MCMBP: variants seen among roughly 807,000 people sequenced by gnomAD.
The protein encoded by MCMBP is minichromosome maintenance complex binding protein.
Under a neutral mutation model 81.3 loss-of-function variants are expected in MCMBP, and 31 were observed. That is an observed-to-expected ratio of 0.38 (90% CI 0.29 to 0.51). The LOEUF (loss-of-function observed/expected upper bound fraction) is 0.51, where lower values mean the gene tolerates loss of function less well. Ranked by LOEUF, MCMBP falls within the 20% of genes least tolerant of loss-of-function variation. The pLI is 0.87. For synonymous variants in MCMBP, 267 were observed against 275.9 expected, an observed-to-expected ratio of 0.97 and a Z score of 0.32; for missense variants, 645 against 772.1, an observed-to-expected ratio of 0.84 and a Z score of 1.95.
chr10:119,837,541 G>A (rs1012345607), intron 12 of MCMBP, among the ~76,000 whole-genome samples: 4 of 152,026 alleles, frequency 2.6e-5, no homozygotes, highest in Non-Finnish European at 4.4e-5. Context: ...AATATATTCC[G>A]CAACTGAGGT....
chr10:119,852,908 A>G, intron 6 of MCMBP, 142 bp downstream of exon 6: 3 of 963,528 alleles, frequency 3.1e-6, no homozygotes, highest in Non-Finnish European at 4.7e-6. Flanking sequence ...TCATCAGAGT[A>G]CTGTAAAAAC....
At chr10:119,836,212 AT>A (rs1448129813) in intron 13 of MCMBP, among the ~76,000 whole-genome samples, 2 of 152,224 alleles carry the variant, frequency 1.3e-5, no homozygotes, top group African/African-American at 4.8e-5. Context: ...TTGGTTACTT[AT>A]GTTTCCTCAA....
rs1174002336 is a variant in MCMBP, at chr10:119,859,178, GTACCT to G, written c.145-2_147del. 6.2e-7 allele frequency: 1 copy of G among 1,612,000 alleles called. No individual in the cohort carries two copies. Among genetic ancestry groups the G allele is most frequent in the South Asian group, 1.1e-5 (1 of 90,904 alleles). On this transcript the variant is annotated splice_acceptor_variant and coding_sequence_variant, in exon 3 of 16. Transcript: ENST00000369077. LOFTEE classifies it high-confidence loss of function. ...TGAAGGGGAACTTCGTTCAGTGATG[GTACCT>G]TAAAGGAAAATAATCAAGTCAGTCA...
chr10:119,833,896 AAG>A (rs565707560), intron 14 of MCMBP, among the ~76,000 whole-genome samples: 6 of 152,350 alleles, frequency 3.9e-5, no homozygotes, highest in Admixed American at 2.6e-4. Flanking sequence ...TATCAATAAA[AAG>A]AGAGAAATAA....
Position 119,829,866 on chromosome 10 carries a change from G to GTATT in MCMBP, c.*1604_*1607dup, listed in dbSNP as rs1667199374. ...TTTTCTGCAAGACCAAGCAATGTAT[G>GTATT]TATTTTTCTTTGGTAAATTACAATT... On this transcript the variant is annotated 3_prime_UTR_variant, in exon 16 of 16. Coordinates refer to ENST00000369077, the MANE Select transcript of MCMBP (RefSeq NM_001256378.2). The GTATT allele has an allele frequency of 6.6e-6, 1 of 152,260 alleles. No individual in the cohort carries two copies. The highest frequency in any genetic ancestry group is 2.1e-4 in the South Asian group (1 of 4,832). The allele number at this position is 152,260 out of a possible 1,614,324, so 9.4% of individuals were successfully genotyped here. A position where few individuals can be genotyped will look rare whatever the true frequency, so the allele number is the denominator to read the frequency against.
In MCMBP at chr10:119,831,535, A is replaced by C. The variant is rs1191616002; in HGVS notation, c.1862T>G (p.Leu621Arg). The stretch of plus-strand genomic sequence containing the variant: ...AAGCCTCGTTCTTCTTAAAGACTCT[A>C]GCTGCTTTGCTCTCAGCCATCGTTC... The part of the protein sequence containing the change: ...SRERWLRAKQ[L>R]ESLRRTRLQQ... The change falls in exon 16 of 16, where the codon CTA becomes CGA. Residue 621 changes from leucine (L) to arginine (R), a missense_variant. Leu to Arg is a moderately radical substitution (Grantham distance 102, BLOSUM62 -2). Coordinates refer to ENST00000369077, the MANE Select transcript of MCMBP (RefSeq NM_001256378.2). 6.2e-7 allele frequency: 1 copy of C among 1,613,948 alleles called. No individual in the cohort carries two copies. Among genetic ancestry groups the C allele is most frequent in the Non-Finnish European group, 8.5e-7 (1 of 1,179,954 alleles).
chr10:119,871,533 A>G (rs1853672501), intron 1 of MCMBP, among the ~76,000 whole-genome samples: 1 of 152,198 alleles, frequency 6.6e-6, no homozygotes, highest in Admixed American at 6.5e-5. Flanking sequence ...AGTAAGCACT[A>G]GAGGCCCTCC....
intron 6 of MCMBP, among the ~76,000 whole-genome samples, chr10:119,851,438 T>C (rs1039312994): frequency 6.6e-6 from 1 of 152,190 alleles, no homozygotes; most frequent in African/African-American, 2.4e-5. Flanking sequence ...TATAAGTTAC[T>C]ATGATATTTA....
chr10:119,851,120 G>T (rs911245399), intron 6 of MCMBP, among the ~76,000 whole-genome samples: 1 of 151,846 alleles, frequency 6.6e-6, no homozygotes, highest in African/African-American at 2.4e-5. Context: ...TGCCTGCCTC[G>T]GCCTCCTGAA....
chr10:119,872,499 CG>C, intron 1 of MCMBP, 27 bp downstream of exon 1: 4 of 1,171,248 alleles, frequency 3.4e-6, no homozygotes, highest in Non-Finnish European at 4.3e-6. Context: ...GCTGCCCGCC[CG>C]GCCCGCCCCC....
intron 1 of MCMBP, 99 bp from the exon 2 acceptor site, chr10:119,859,983 A>G (rs955938512): frequency 3.1e-5 from 26 of 839,228 alleles, no homozygotes; most frequent in Admixed American, 5.2e-5. Flanking sequence ...AGCAAAAAAC[A>G]AACTAAAATT....
intron 14 of MCMBP, among the ~76,000 whole-genome samples, chr10:119,832,534 A>G (rs762302644): frequency 2.6e-5 from 4 of 152,158 alleles, no homozygotes; most frequent in Non-Finnish European, 5.9e-5. Flanking sequence ...CAGCATTTTA[A>G]CATGTCCTAC....
At chr10:119,850,021 T>C (rs1298154083) in intron 6 of MCMBP, among the ~76,000 whole-genome samples, 1 of 152,222 alleles carries the variant, frequency 6.6e-6, no homozygotes, top group Non-Finnish European at 1.5e-5. Flanking sequence ...ATATCCAGTA[T>C]GTACCAGGAA....
chr10:119,862,162 C>T (rs1853280232), intron 1 of MCMBP, among the ~76,000 whole-genome samples: 1 of 152,108 alleles, frequency 6.6e-6, no homozygotes, highest in African/African-American at 2.4e-5. Context: ...CAAAAATTAG[C>T]TAGGCGTGAT....
intron 1 of MCMBP, among the ~76,000 whole-genome samples, chr10:119,867,716 T>C (rs909323865): frequency 2.0e-5 from 3 of 152,152 alleles, no homozygotes; most frequent in African/African-American, 4.8e-5. Flanking sequence ...AGAGAAGAAA[T>C]ACTGAGTTGC....
Position 119,831,332 on chromosome 10 carries a change from A to T in MCMBP, c.*142T>A. 1.2e-6 allele frequency: 1 copy of T among 863,276 alleles called. No homozygotes were observed. The allele number at this position is 863,276 out of a possible 1,614,324, so 53.5% of individuals were successfully genotyped here. A position where few individuals can be genotyped will look rare whatever the true frequency, so the allele number is the denominator to read the frequency against. ...CCTTACTGAATATCATATAAACATC[A>T]GGTGTTACCAGGCTTGATTTCAGGA... On this transcript the variant is annotated 3_prime_UTR_variant, in exon 16 of 16. Coordinates refer to ENST00000369077, the MANE Select transcript of MCMBP (RefSeq NM_001256378.2).
At chr10:119,836,295 T>G (rs1852239400) in intron 13 of MCMBP, among the ~76,000 whole-genome samples, 1 of 152,236 alleles carries the variant, frequency 6.6e-6, no homozygotes, top group Non-Finnish European at 1.5e-5. Context: ...TATCAATACT[T>G]GCACACAGAA....
intron 1 of MCMBP, among the ~76,000 whole-genome samples, chr10:119,871,995 C>CTA (rs1554906773): frequency 2.6e-5 from 4 of 152,188 alleles, no homozygotes; most frequent in Non-Finnish European, 5.9e-5. Flanking sequence ...GAAAACTAAG[C>CTA]TATGAACATT....
At chr10:119,854,958 A>T (rs200688551) in intron 5 of MCMBP, among the ~76,000 whole-genome samples, 8,264 of 120,300 alleles carry the variant, frequency 0.069, 435 homozygotes, top group South Asian at 0.33. Flanking sequence ...GCCTCAAAAA[A>T]AAAAAAAAAA....
Sources: allele counts gnomAD v4.1 joint callset (sites outside exome capture counted in the v4.1 genomes callset), GRCh38; gene constraint gnomAD v4.1.1; transcripts MANE v1.5; gene names NCBI Gene and HGNC (gene_info 2026-07-23, HGNC 2026-07-21).